The following SERPINE2 variants were observed in gnomAD, a reference collection of about 807,000 sequenced individuals.
The protein encoded by SERPINE2 is serpin family E member 2.
SERPINE2 carries 14 observed loss-of-function variants against 36.3 expected under a neutral mutation model. The ratio of observed to expected loss-of-function variants is 0.39; its 90% CI spans 0.25 to 0.60. The LOEUF is 0.60. Among genes scored for constraint, SERPINE2 ranks in the 20% least tolerant of loss-of-function variants. The pLI, the probability that SERPINE2 is intolerant of heterozygous loss-of-function variation, is 0.57. For missense variants in SERPINE2, 418 were observed against 499.6 expected (o/e 0.84, Z 1.56); for synonymous variants, 192 against 191.8 (o/e 1.00, Z -0.01).
intron 7 of SERPINE2, chr2:223,978,444 G>C (rs540678163): frequency 6.6e-6 from 1 of 152,262 alleles, no homozygotes; most frequent in Non-Finnish European, 1.5e-5. Flanking sequence ...CTCTGCACTG[G>C]AATGTAGACC....
At chr2:223,995,501 G>A (rs1233137674) in intron 3 of SERPINE2, among the ~76,000 whole-genome samples, 1 of 152,188 alleles carries the variant, frequency 6.6e-6, no homozygotes, top group African/African-American at 2.4e-5. Flanking sequence ...CTTCTCCCGT[G>A]GCTTTTCAAT....
intron 1 of SERPINE2, among the ~76,000 whole-genome samples, chr2:224,005,389 C>A (rs1691386282): frequency 6.6e-6 from 1 of 152,004 alleles, no homozygotes; most frequent in Non-Finnish European, 1.5e-5. Flanking sequence ...GGAATCAGAG[C>A]TATTTTTGAT....
intron 3 of SERPINE2, among the ~76,000 whole-genome samples, chr2:223,992,356 CTT>C (rs1041279845): frequency 1.6e-4 from 24 of 147,708 alleles, no homozygotes; most frequent in African/African-American, 5.7e-4. Context: ...TCTTCTTCTT[CTT>C]TTCTTTTTTT....
chr2:223,994,762 T>C (rs1047413534), intron 3 of SERPINE2, among the ~76,000 whole-genome samples: 4 of 152,238 alleles, frequency 2.6e-5, no homozygotes, highest in African/African-American at 7.2e-5. Context: ...TCACACTGGT[T>C]GAACATTTAC....
At chr2:224,001,954 A>G (rs1377615548) in intron 1 of SERPINE2, 32 bp from the exon 2 acceptor site, 1 of 1,549,862 alleles carries the variant, frequency 6.5e-7, no homozygotes, top group South Asian at 1.2e-5. Context: ...TATTTAAATT[A>G]TACTTAAATG....
intron 1 of SERPINE2, among the ~76,000 whole-genome samples, chr2:224,015,660 G>A (rs959451151): frequency 2.0e-5 from 3 of 152,176 alleles, no homozygotes; most frequent in African/African-American, 7.2e-5. Flanking sequence ...ACACTCCAGT[G>A]TCTATCTTGT....
At chr2:224,009,164 C>G (rs1691534964) in intron 1 of SERPINE2, among the ~76,000 whole-genome samples, 1 of 152,096 alleles carries the variant, frequency 6.6e-6, no homozygotes. Flanking sequence ...CAAGGTGAGT[C>G]CCCGGATTTA....
chr2:224,038,623 T>G, intron 1 of SERPINE2: 1 of 900,678 alleles, frequency 1.1e-6, no homozygotes, highest in Non-Finnish European at 1.8e-6. Context: ...CACCTCCCTC[T>G]GCCCAGGCAG....
chr2:223,986,960 TA>T (rs1436104981), intron 4 of SERPINE2, among the ~76,000 whole-genome samples: 3 of 152,234 alleles, frequency 2.0e-5, no homozygotes, highest in African/African-American at 7.2e-5. Context: ...AGCTGGGAGA[TA>T]AAATAACACC....
intron 8 of SERPINE2, among the ~76,000 whole-genome samples, chr2:223,977,057 G>A (rs569123243): frequency 1.6e-3 from 237 of 152,280 alleles, no homozygotes; most frequent in African/African-American, 5.5e-3. Context: ...GTGAAGTGAT[G>A]CCTTCCACCG....
intron 1 of SERPINE2, among the ~76,000 whole-genome samples, chr2:224,018,415 G>A (rs996576140): frequency 5.9e-5 from 9 of 152,068 alleles, no homozygotes; most frequent in African/African-American, 2.2e-4. Context: ...TCACAGTTTT[G>A]TTTAGATGGA....
At chr2:224,026,632 A>G (rs781762370) in intron 1 of SERPINE2, among the ~76,000 whole-genome samples, 7 of 152,182 alleles carry the variant, frequency 4.6e-5, no homozygotes, top group Non-Finnish European at 1.0e-4. Flanking sequence ...TTTTTGCTTC[A>G]GACACAGTTT....
chr2:224,029,790 C>T (rs779417213), intron 1 of SERPINE2, among the ~76,000 whole-genome samples: 17 of 152,220 alleles, frequency 1.1e-4, no homozygotes, highest in African/African-American at 2.7e-4. Flanking sequence ...CTTCCGCCTC[C>T]GGGGTTCAAG....
At chr2:223,992,864 C>G (rs1436965787) in intron 3 of SERPINE2, among the ~76,000 whole-genome samples, 2 of 152,156 alleles carry the variant, frequency 1.3e-5, no homozygotes, top group Non-Finnish European at 2.9e-5. Flanking sequence ...GTAATCCCAG[C>G]ACTTTGGGAG....
intron 5 of SERPINE2, among the ~76,000 whole-genome samples, chr2:223,984,176 G>A (rs1690338047): frequency 6.6e-6 from 1 of 151,938 alleles, no homozygotes; most frequent in South Asian, 2.1e-4. Flanking sequence ...CACAGTTCTG[G>A]ACAAAGCATT....
rs141535304 is a variant in SERPINE2 at position 223,991,857 on chromosome 2, C to G, written c.631G>C (p.Asp211His). 14 of 1,613,034 alleles carry G rather than the reference C, an allele frequency of 8.7e-6. No homozygotes were observed. The highest frequency in any genetic ancestry group is 1.2e-5 in the Non-Finnish European group (14 of 1,179,800). The part of the protein sequence containing the change: ...NTKKRTFVAA[D>H]GKSYQVPMLA... ...ATTGGCACTTGATAGGATTTCCCGT[C>G]GGCTGCCACGAAAGTGCGTTTCTTT... Residue 211 changes from aspartate (D) to histidine (H), a missense_variant, in exon 4 of 9, where the codon GAC becomes CAC. Physicochemically the swap from Asp to His is moderately conservative, Grantham distance 81. Coordinates refer to ENST00000409304, the MANE Select transcript of SERPINE2 (RefSeq NM_001136528.2).
intron 1 of SERPINE2, chr2:224,030,117 C>T (rs892348336): frequency 2.0e-6 from 2 of 985,474 alleles, no homozygotes; most frequent in Non-Finnish European, 2.4e-6. Flanking sequence ...CTGCTGTTTA[C>T]ATCTCACAAA....
intron 4 of SERPINE2, chr2:223,985,179 T>C (rs1216187194): frequency 2.2e-5 from 12 of 549,058 alleles, no homozygotes; most frequent in Non-Finnish European, 3.2e-5. Context: ...ATCACTGAAA[T>C]CACTTTAATT....
chr2:223,986,745 T>C (rs1280441906), intron 4 of SERPINE2, among the ~76,000 whole-genome samples: 1 of 152,160 alleles, frequency 6.6e-6, no homozygotes, highest in African/African-American at 2.4e-5. Context: ...AGAGAGATCA[T>C]CTAGCTTCAC....
Sources: gnomAD v4.1 joint callset for allele counts (sites outside exome capture counted in the v4.1 genomes callset) on GRCh38, gnomAD v4.1.1 for gene constraint, MANE v1.5 for transcripts, NCBI Gene and HGNC (gene_info 2026-07-23, HGNC 2026-07-21) for gene names.